Variants in DCDC2C observed in about 807,000 individuals in gnomAD.
DCDC2C encodes the protein doublecortin domain containing 2C, also known as doublecortin domain-containing protein 2C.
DCDC2C carries 44 observed loss-of-function variants against 45.0 expected under a neutral mutation model. The ratio of observed to expected loss-of-function variants is 0.98; its 90% CI spans 0.77 to 1.26. The LOEUF is 1.26. Ranked by LOEUF, DCDC2C falls within the 50% of genes most tolerant of loss-of-function variation. The pLI is 0.00. For missense variants in DCDC2C, 447 were observed against 468.9 expected (o/e 0.95, Z 0.43); for synonymous variants, 187 against 178.8 (o/e 1.05, Z -0.37).
intron 10 of DCDC2C, among the ~76,000 whole-genome samples, chr2:3,838,213 C>T (rs1278813249): frequency 6.6e-6 from 1 of 151,660 alleles, no homozygotes; most frequent in African/African-American, 2.4e-5. Context: ...GAAATGGTGG[C>T]AGGGCTGGTG....
intron 10 of DCDC2C, among the ~76,000 whole-genome samples, chr2:3,824,253 A>G (rs1291086742): frequency 7.0e-6 from 1 of 143,734 alleles, no homozygotes; most frequent in African/African-American, 2.7e-5. Flanking sequence ...TAAAAGCTTG[A>G]TATCATATGT....
At chr2:3,722,614 G>C (rs1274940093) in intron 2 of DCDC2C, among the ~76,000 whole-genome samples, 1 of 152,236 alleles carries the variant, frequency 6.6e-6, no homozygotes, top group Admixed American at 6.5e-5. Context: ...ACAGATGACT[G>C]ATGTGAGTCT....
chr2:3,798,046 G>C lies in DCDC2C; in HGVS notation c.1065+12946G>C, dbSNP rs536915885. ...CACTCAGGACTTGCTTTATGAATCT[G>C]GGTGCTCCTGTATTAGGTGCATATA... On this transcript the variant is annotated intron_variant, in intron 10 of 10. Coordinates refer to ENST00000399143, the MANE Select transcript of DCDC2C (RefSeq NM_001287444.2). 3.8e-4 allele frequency among the ~76,000 whole-genome samples: 58 copies of C among 152,148 alleles called. No homozygotes were observed. The East Asian group carries it at 8.9e-3, about 23-fold the overall frequency.
chr2:3,703,706 C>G lies in DCDC2C; in HGVS notation c.-46C>G. The G allele has an allele frequency of 8.2e-7, 1 of 1,224,730 alleles. No homozygotes were observed. The highest frequency in any genetic ancestry group is 1.0e-6 in the Non-Finnish European group (1 of 983,218). 75.9% of individuals were successfully genotyped at this position (1,224,730 alleles called of 1,614,324 possible). On this transcript the variant is annotated 5_prime_UTR_variant, in exon 1 of 11. Transcript: ENST00000399143. The surrounding 1 kb of genome is among the most constrained non-coding windows in gnomAD (Gnocchi z 4.4). ...GGCTCTGCAGGCGTCGCTGCCCGCG[C>G]TGCCGCAGCCTCTCGGCCCCGGCGA...
intron 8 of DCDC2C, among the ~76,000 whole-genome samples, chr2:3,778,570 C>T (rs1351266109): frequency 3.9e-5 from 6 of 152,236 alleles, no homozygotes; most frequent in African/African-American, 1.2e-4. Flanking sequence ...GTCTCTGGAG[C>T]GCCCACGCCA....
At chr2:3,725,318 C>T (rs542020354) in intron 2 of DCDC2C, among the ~76,000 whole-genome samples, 5 of 152,012 alleles carry the variant, frequency 3.3e-5, no homozygotes, top group East Asian at 1.9e-4. Context: ...CAGAGACCCT[C>T]GTTGTGCAGC....
chr2:3,830,983 C>G (rs1051871405), intron 10 of DCDC2C, among the ~76,000 whole-genome samples: 1 of 152,058 alleles, frequency 6.6e-6, no homozygotes, highest in African/African-American at 2.4e-5. Flanking sequence ...ATAATTTCAG[C>G]CTGATAAAAT....
At chr2:3,796,453 C>T (rs1486658163) in intron 10 of DCDC2C, among the ~76,000 whole-genome samples, 4 of 114,982 alleles carry the variant, frequency 3.5e-5, no homozygotes, top group Non-Finnish European at 7.0e-5. Context: ...TGCCAGTTTT[C>T]AAAGGGAATG....
intron 9 of DCDC2C, among the ~76,000 whole-genome samples, chr2:3,783,132 C>T (rs1032145898): frequency 3.9e-5 from 6 of 152,056 alleles, no homozygotes; most frequent in South Asian, 2.1e-4. Context: ...TCTCAGTTAT[C>T]GACCTTTCAA....
At chr2:3,821,625 A>G (rs951356743) in intron 10 of DCDC2C, among the ~76,000 whole-genome samples, 1 of 152,366 alleles carries the variant, frequency 6.6e-6, no homozygotes, top group African/African-American at 2.4e-5. Flanking sequence ...TTCTGCGTCT[A>G]TTAAGATAAC....
chr2:3,740,227 C>G (rs1305177525), intron 3 of DCDC2C, among the ~76,000 whole-genome samples: 1 of 152,194 alleles, frequency 6.6e-6, no homozygotes, highest in Non-Finnish European at 1.5e-5. Flanking sequence ...ACCAGTCATC[C>G]ATACTTAGAC....
chr2:3,769,244 G>T, intron 7 of DCDC2C, 67 bp from the exon 8 acceptor site: 3 of 1,473,720 alleles, frequency 2.0e-6, no homozygotes, highest in Non-Finnish European at 2.8e-6. Flanking sequence ...GTTTGGGTCA[G>T]GAAATATGCA....
chr2:3,710,753 C>T (rs144849204), intron 2 of DCDC2C, among the ~76,000 whole-genome samples: 117 of 152,260 alleles, frequency 7.7e-4, no homozygotes, highest in African/African-American at 2.5e-3. Context: ...TCTGTTCCTG[C>T]GTTAATTCAC....
At chr2:3,705,867 C>T (rs1668051316) in intron 1 of DCDC2C, among the ~76,000 whole-genome samples, 1 of 152,214 alleles carries the variant, frequency 6.6e-6, no homozygotes, top group African/African-American at 2.4e-5. Context: ...ATGTCACCCA[C>T]TGCAGAGGGA....
intron 10 of DCDC2C, among the ~76,000 whole-genome samples, chr2:3,840,977 G>A (rs888480685): frequency 5.9e-5 from 9 of 152,282 alleles, no homozygotes; most frequent in Non-Finnish European, 1.0e-4. Context: ...CTTCTAAACT[G>A]TCTTGCATAT....
intron 6 of DCDC2C, among the ~76,000 whole-genome samples, chr2:3,755,426 T>C (rs972561793): frequency 1.3e-5 from 2 of 152,064 alleles, no homozygotes; most frequent in African/African-American, 4.8e-5. Context: ...CATGTGTGTA[T>C]GGAGGCATGC....
chr2:3,805,304 T>G (rs924662873), intron 10 of DCDC2C, among the ~76,000 whole-genome samples: 1 of 152,210 alleles, frequency 6.6e-6, no homozygotes, highest in South Asian at 2.1e-4. Context: ...CCTGCCAGGT[T>G]GATGAGTCCG....
At chr2:3,819,325 C>T (rs977133302) in intron 10 of DCDC2C, among the ~76,000 whole-genome samples, 3 of 152,240 alleles carry the variant, frequency 2.0e-5, no homozygotes, top group Non-Finnish European at 2.9e-5. Context: ...GGGCTGTGGG[C>T]ATTCCTTGGC....
At chr2:3,789,292 G>T (rs928692998) in intron 10 of DCDC2C, among the ~76,000 whole-genome samples, 2 of 152,310 alleles carry the variant, frequency 1.3e-5, no homozygotes, top group East Asian at 1.9e-4. Context: ...CCTTTTTCCT[G>T]CCCTATTTCC....
Sources: allele counts gnomAD v4.1 joint callset (sites outside exome capture counted in the v4.1 genomes callset), GRCh38; gene constraint gnomAD v4.1.1; non-coding constraint Gnocchi (gnomAD v3.1); transcripts MANE v1.5; gene names NCBI Gene and HGNC (gene_info 2026-07-23, HGNC 2026-07-21).